PTPRO: variants seen among roughly 807,000 people sequenced by gnomAD.
The protein encoded by PTPRO is receptor-type tyrosine-protein phosphatase O.
In PTPRO, 62 loss-of-function variants were observed where a neutral mutation model predicts 145.2. The observed-to-expected ratio is 0.43, with a 90% confidence interval of 0.35 to 0.53. The LOEUF (loss-of-function observed/expected upper bound fraction) is 0.53, where lower values mean the gene tolerates loss of function less well. Among genes scored for constraint, PTPRO ranks in the 20% least tolerant of loss-of-function variants. The pLI is 0.01. For missense variants in PTPRO, 1,345 were observed against 1,482.7 expected, an observed-to-expected ratio of 0.91 and a Z score of 1.53; for synonymous variants, 565 against 514.7, an observed-to-expected ratio of 1.10 and a Z score of -1.32.
chr12:15,514,474 G>GAAAGAAAGAACAGT (rs1942534524), intron 7 of PTPRO, among the ~76,000 whole-genome samples: 1 of 129,166 alleles, frequency 7.7e-6, no homozygotes, highest in African/African-American at 2.9e-5. Context: ...AAAAAAAAAA[G>GAAAGAAAGAACAGT]AAAGAACAGT....
chr12:15,516,886 C>T lies in PTPRO; in HGVS notation c.1709C>T (p.Pro570Leu). 1 of 1,613,760 alleles carries T rather than the reference C, an allele frequency of 6.2e-7. No homozygotes were observed. Among genetic ancestry groups the T allele is most frequent in the Non-Finnish European group, 8.5e-7 (1 of 1,179,694 alleles). ...KYVVEMFYFN[P>L]ATMTSEWTTY... ...GTGGTTGAAATGTTTTATTTCAACC[C>T]TGCTACAATGACATCAGAGTGGACC... The change falls in exon 9 of 27, where the codon CCT becomes CTT. Residue 570 changes from proline (P) to leucine (L), a missense_variant. Pro to Leu is a moderately conservative substitution (Grantham distance 98, BLOSUM62 -3). Transcript: ENST00000281171.
At chr12:15,461,920 C>G (rs79719615) in intron 1 of PTPRO, among the ~76,000 whole-genome samples, 3,948 of 152,126 alleles carry the variant, frequency 0.026, 95 homozygotes, top group Non-Finnish European at 0.035. Context: ...TTCCTGCTTC[C>G]TCAGTTCAAC....
chr12:15,563,087 A>T (rs2284437), intron 17 of PTPRO, among the ~76,000 whole-genome samples: 1 of 152,118 alleles, frequency 6.6e-6, no homozygotes, highest in Admixed American at 6.6e-5. Flanking sequence ...GCTTTCCAAG[A>T]CTGTCATAAC....
chr12:15,433,171 CTTTTTT>C (rs55746632), intron 1 of PTPRO, among the ~76,000 whole-genome samples: 3 of 103,644 alleles, frequency 2.9e-5, no homozygotes, highest in Non-Finnish European at 3.9e-5. Context: ...CAGTTTGGGG[CTTTTTT>C]TTTTTTTTTT....
intron 1 of PTPRO, among the ~76,000 whole-genome samples, chr12:15,478,740 C>T (rs542125242): frequency 6.6e-6 from 1 of 151,942 alleles, no homozygotes; most frequent in Non-Finnish European, 1.5e-5. Context: ...GGCGCGATAT[C>T]GGCTCACTGC....
intron 1 of PTPRO, among the ~76,000 whole-genome samples, chr12:15,461,292 T>A (rs922579357): frequency 3.3e-5 from 5 of 152,194 alleles, no homozygotes; most frequent in African/African-American, 1.2e-4. Flanking sequence ...AAGCTCCAAG[T>A]TGCCCTGCCA....
intron 7 of PTPRO, among the ~76,000 whole-genome samples, chr12:15,509,793 G>T (rs1441575066): frequency 6.6e-6 from 1 of 152,152 alleles, no homozygotes; most frequent in Non-Finnish European, 1.5e-5. Flanking sequence ...GTGCACAGAG[G>T]AGAGTGAGGG....
Position 15,501,819 on chromosome 12 carries a change from T to C in PTPRO, c.861T>C (p.Asn287=), listed in dbSNP as rs757975989. ...TTTCTTCCGGTTGGCCTGATTTTAATAGCAGTGACTATGAAACTACGTCTC... is the reference window on the plus strand; with the variant it reads ...TTTCTTCCGGTTGGCCTGATTTTAACAGCAGTGACTATGAAACTACGTCTC... ...GNISSGWPDF[N]SSDYETTSQP... is the part of the protein sequence containing the mutation. The change falls in exon 5 of 27, where the codon AAT becomes AAC. Residue 287 remains asparagine, a synonymous_variant. Coordinates refer to ENST00000281171, the MANE Select transcript of PTPRO (RefSeq NM_030667.3). The C allele has an allele frequency of 1.2e-5, 19 of 1,614,112 alleles. No individual in the cohort carries two copies. The highest frequency in any genetic ancestry group is 1.4e-5 in the Non-Finnish European group (16 of 1,180,000).
intron 1 of PTPRO, among the ~76,000 whole-genome samples, chr12:15,398,806 A>G (rs1258447030): frequency 6.6e-6 from 1 of 152,274 alleles, no homozygotes; most frequent in East Asian, 1.9e-4. Flanking sequence ...GATGGTTGTC[A>G]TATTTGGGGC....
rs533135672 is a variant in PTPRO, at chr12:15,417,165, T to C, written c.76-66809T>C. On this transcript the variant is annotated intron_variant, in intron 1 of 26. Coordinates refer to ENST00000281171, the MANE Select transcript of PTPRO (RefSeq NM_030667.3). ...TGCCCGGCACATGGTTAAAAAACAA[T>C]ACTACCTGTGCAAATACAGACGCTA... 1.7e-4 allele frequency among the ~76,000 whole-genome samples: 26 copies of C among 151,688 alleles called. 2 individuals are homozygous for C. Among genetic ancestry groups the C allele is most frequent in the African/African-American group, 5.9e-4 (24 of 41,022 alleles).
At chr12:15,460,277 C>T (rs1941272735) in intron 1 of PTPRO, among the ~76,000 whole-genome samples, 1 of 152,136 alleles carries the variant, frequency 6.6e-6, no homozygotes, top group African/African-American at 2.4e-5. Flanking sequence ...GCATTAGCAC[C>T]ACATAGAAGC....
chr12:15,499,848 G>T (rs1004793868), intron 4 of PTPRO, among the ~76,000 whole-genome samples: 7 of 151,974 alleles, frequency 4.6e-5, no homozygotes, highest in Admixed American at 3.3e-4. Context: ...ATTACCAAAG[G>T]TTATAATTAA....
rs80240244 is a variant in PTPRO, at chr12:15,466,889, G to A, written c.76-17085G>A. Among the ~76,000 whole-genome samples, 1,418 of 152,216 alleles carry A rather than the reference G, an allele frequency of 9.3e-3. 16 individuals are homozygous for A. Among genetic ancestry groups the A allele is most frequent in the African/African-American group, 0.031 (1,303 of 41,538 alleles). ...ATTGAAAAAGAATAAGGAATCATCC[G>A]TGGCACAAACCTGAAATGCAGGGAG... On this transcript the variant is annotated intron_variant, in intron 1 of 26. Coordinates refer to ENST00000281171, the MANE Select transcript of PTPRO (RefSeq NM_030667.3).
chr12:15,410,403 AAGAC>A (rs1939766934), intron 1 of PTPRO: 1 of 152,210 alleles, frequency 6.6e-6, no homozygotes, highest in Non-Finnish European at 1.5e-5. Flanking sequence ...ATAGAGCAAA[AAGAC>A]AGAAGAATGC....
chr12:15,575,389 C>T (rs758466765), intron 19 of PTPRO, among the ~76,000 whole-genome samples: 2 of 152,146 alleles, frequency 1.3e-5, no homozygotes, highest in African/African-American at 4.8e-5. Context: ...TCTCCAAGGA[C>T]CCCCTCCCAC....
intron 1 of PTPRO, among the ~76,000 whole-genome samples, chr12:15,463,518 T>C (rs11056503): frequency 6.6e-6 from 1 of 152,266 alleles, no homozygotes; most frequent in East Asian, 1.9e-4. Context: ...ATTGAGATAT[T>C]TATATTAGTT....
At chr12:15,499,680 C>T in intron 4 of PTPRO, 86 bp downstream of exon 4, 1 of 1,434,714 alleles carries the variant, frequency 7.0e-7, no homozygotes, top group Non-Finnish European at 9.7e-7. Context: ...AAGAAATATT[C>T]TGATCCAGAG....
intron 15 of PTPRO, among the ~76,000 whole-genome samples, chr12:15,553,649 G>A (rs961980242): frequency 2.0e-5 from 3 of 152,204 alleles, no homozygotes; most frequent in African/African-American, 7.2e-5. Flanking sequence ...AGTAAAATGA[G>A]CAGGCATTGC....
intron 2 of PTPRO, among the ~76,000 whole-genome samples, chr12:15,490,466 T>G (rs1225923587): frequency 6.6e-6 from 1 of 152,162 alleles, no homozygotes; most frequent in African/African-American, 2.4e-5. Flanking sequence ...CAAAATTTTA[T>G]TTTTTTATAC....
Sources: gnomAD v4.1 joint callset for allele counts (sites outside exome capture counted in the v4.1 genomes callset) on GRCh38, gnomAD v4.1.1 for gene constraint, MANE v1.5 for transcripts, NCBI Gene and HGNC (gene_info 2026-07-23, HGNC 2026-07-21) for gene names.